Variants in TLN2 observed in about 807,000 individuals in gnomAD.
The protein encoded by TLN2 is talin-2.
A neutral mutation model predicts 294.7 loss-of-function variants in TLN2; 118 were observed. That is an observed-to-expected ratio of 0.40 (90% CI 0.34 to 0.47). The LOEUF (loss-of-function observed/expected upper bound fraction) is 0.47. Ranked by LOEUF, TLN2 falls within the 20% of genes least tolerant of loss-of-function variation. The probability of loss-of-function intolerance (pLI) is 0.84; values close to 1 mark genes in which losing one functional copy is unlikely to be tolerated. For missense variants in TLN2, 3,083 were observed against 3,282.2 expected, an observed-to-expected ratio of 0.94 and a Z score of 1.48; for synonymous variants, 1,431 against 1,304.5, an observed-to-expected ratio of 1.10 and a Z score of -2.09.
At chr15:62,798,544 CAAAAACAAAACA>C (rs2065689487) in intron 48 of TLN2, among the ~76,000 whole-genome samples, 2 of 149,914 alleles carry the variant, frequency 1.3e-5, no homozygotes, top group Non-Finnish European at 3.0e-5. Flanking sequence ...ATTTAAAAAA[CAAAAACAAAACA>C]AAAAAAAAAA....
intron 5 of TLN2, 147 bp downstream of exon 5, chr15:62,650,328 G>T: frequency 1.4e-6 from 1 of 721,604 alleles, no homozygotes. Flanking sequence ...TTCAGGTGGT[G>T]ATAGAAAATG....
intron 1 of TLN2, among the ~76,000 whole-genome samples, chr15:62,518,078 C>G (rs1259766341): frequency 1.3e-5 from 2 of 151,580 alleles, no homozygotes; most frequent in Non-Finnish European, 2.9e-5. Flanking sequence ...CTCACTCTGT[C>G]GCCAGGCTAG....
At chr15:62,650,499 G>A (rs748122074) in intron 5 of TLN2, among the ~76,000 whole-genome samples, 2 of 152,170 alleles carry the variant, frequency 1.3e-5, no homozygotes, top group Non-Finnish European at 2.9e-5. Flanking sequence ...CTGGAGATGG[G>A]AAGTAAGAAC....
intron 45 of TLN2, among the ~76,000 whole-genome samples, chr15:62,787,958 C>G (rs141084736): frequency 0.019 from 2,876 of 148,612 alleles, 29 homozygotes; most frequent in Middle Eastern, 0.027. Flanking sequence ...TCCCAAAGTG[C>G]TGGGATTACA....
intron 1 of TLN2, among the ~76,000 whole-genome samples, chr15:62,520,613 C>T (rs1317438381): frequency 6.6e-6 from 1 of 152,186 alleles, no homozygotes; most frequent in Admixed American, 6.5e-5. Flanking sequence ...CTTATTTCTT[C>T]TAAACGGGAA....
intron 1 of TLN2, among the ~76,000 whole-genome samples, chr15:62,391,324 G>A (rs1324857327): frequency 6.6e-6 from 1 of 152,198 alleles, no homozygotes; most frequent in Non-Finnish European, 1.5e-5. Flanking sequence ...CGAACTGCTG[G>A]CCGCTGAGCG....
At chr15:62,484,991 A>G (rs2038311298) in intron 1 of TLN2, among the ~76,000 whole-genome samples, 1 of 152,098 alleles carries the variant, frequency 6.6e-6, no homozygotes, top group Admixed American at 6.6e-5. Context: ...GGGAGAATCC[A>G]TCTCTTTTGT....
intron 10 of TLN2, among the ~76,000 whole-genome samples, chr15:62,674,958 A>G (rs1384071425): frequency 6.6e-6 from 1 of 152,206 alleles, no homozygotes; most frequent in Non-Finnish European, 1.5e-5. Flanking sequence ...GCATGTGTGC[A>G]TGGATTGTCA....
At chr15:62,522,472 A>T (rs1286925396) in intron 1 of TLN2, among the ~76,000 whole-genome samples, 1 of 152,202 alleles carries the variant, frequency 6.6e-6, no homozygotes, top group Non-Finnish European at 1.5e-5. Context: ...CACAACTGGC[A>T]TATGGATAGG....
At chr15:62,753,670 G>T in intron 35 of TLN2, 103 bp from the exon 36 acceptor site, 1 of 1,402,850 alleles carries the variant, frequency 7.1e-7, no homozygotes. Flanking sequence ...GAACTGAGGA[G>T]TGCCTGAGTG....
chr15:62,393,075 A>G (rs897400163), intron 1 of TLN2, among the ~76,000 whole-genome samples: 1 of 152,066 alleles, frequency 6.6e-6, no homozygotes, highest in African/African-American at 2.4e-5. Context: ...TAGCATAGCT[A>G]ATTTAGAAGA....
At position 62,702,124 on chromosome 15, in the gene TLN2, A is replaced by G; in HGVS notation, c.1829A>G (p.Asp610Gly). The G allele has an allele frequency of 1.2e-6, 2 of 1,613,982 alleles. No homozygotes were observed. Among genetic ancestry groups the G allele is most frequent in the Non-Finnish European group, 1.7e-6 (2 of 1,180,000 alleles). Residue 610 changes from aspartate to glycine, a missense_variant, in exon 18 of 59, where the codon GAC becomes GGC. Asp to Gly is a moderately conservative substitution (Grantham distance 94). Transcript: ENST00000636159. ...GATGATGAGGTGGGCAGCGGGGAGG[A>G]CTTGCTCAGAGCTGCCAGGACCCTC... ...LMDDEVGSGE[D>G]LLRAARTLAG...
chr15:62,592,708 C>G (rs562647811), intron 2 of TLN2, among the ~76,000 whole-genome samples: 16 of 152,200 alleles, frequency 1.1e-4, no homozygotes, highest in Non-Finnish European at 1.8e-4. Context: ...GCTCTTGAGT[C>G]TTTCACAAGG....
chr15:62,562,944 ACAC>A (rs2140604824), intron 1 of TLN2, among the ~76,000 whole-genome samples: 1 of 149,522 alleles, frequency 6.7e-6, no homozygotes, highest in East Asian at 2.0e-4. Context: ...ACACACACAC[ACAC>A]ACACACACAC....
intron 45 of TLN2, among the ~76,000 whole-genome samples, chr15:62,787,212 T>G (rs1485215113): frequency 6.6e-6 from 1 of 152,202 alleles, no homozygotes; most frequent in Non-Finnish European, 1.5e-5. Flanking sequence ...TCTTCCATGT[T>G]TTCTATCTTT....
At chr15:62,522,144 T>A (rs2040492080) in intron 1 of TLN2, among the ~76,000 whole-genome samples, 3 of 152,282 alleles carry the variant, frequency 2.0e-5, no homozygotes, top group East Asian at 3.9e-4. Flanking sequence ...GGCTTTGTCT[T>A]TGGTTCACAG....
At chr15:62,688,711 C>T (rs1025306616) in intron 12 of TLN2, among the ~76,000 whole-genome samples, 3 of 152,016 alleles carry the variant, frequency 2.0e-5, no homozygotes, top group African/African-American at 7.2e-5. Context: ...ATTTAAGATT[C>T]CTCTATCTTA....
intron 11 of TLN2, among the ~76,000 whole-genome samples, chr15:62,676,625 G>A (rs2056227057): frequency 6.6e-6 from 1 of 152,066 alleles, no homozygotes; most frequent in Non-Finnish European, 1.5e-5. Context: ...ATCTTCTTTT[G>A]TTTTTTGGAG....
At chr15:62,631,315 A>G (rs368805943) in intron 3 of TLN2, among the ~76,000 whole-genome samples, 3 of 152,328 alleles carry the variant, frequency 2.0e-5, no homozygotes, top group South Asian at 4.1e-4. Context: ...GAGAAGACAC[A>G]TGCAAACCGT....
Sources: gnomAD v4.1 joint callset for allele counts (sites outside exome capture counted in the v4.1 genomes callset) on GRCh38, gnomAD v4.1.1 for gene constraint, MANE v1.5 for transcripts, NCBI Gene and HGNC (gene_info 2026-07-23, HGNC 2026-07-21) for gene names.